GRM8: variants seen among roughly 807,000 people sequenced by gnomAD.
GRM8 encodes the protein metabotropic glutamate receptor 8.
A neutral mutation model predicts 87.2 loss-of-function variants in GRM8; 47 were observed. The observed-to-expected ratio is 0.54, with a 90% CI of 0.43 to 0.69. GRM8 has a LOEUF of 0.69. Among genes scored for constraint, GRM8 ranks in the 30% least tolerant of loss-of-function variants. The pLI is 0.00. For missense variants in GRM8, 1,019 were observed against 1,139.2 expected (o/e 0.89, Z 1.52); for synonymous variants, 396 against 404.5 (o/e 0.98, Z 0.25).
intron 3 of GRM8, among the ~76,000 whole-genome samples, chr7:127,079,237 C>T: frequency 6.6e-6 from 1 of 152,102 alleles, no homozygotes; most frequent in East Asian, 1.9e-4. Context: ...ATTCTCCTGC[C>T]TCAGCCTCCC....
At chr7:126,836,714 C>G (rs973200235) in intron 6 of GRM8, among the ~76,000 whole-genome samples, 1 of 152,168 alleles carries the variant, frequency 6.6e-6, no homozygotes, top group African/African-American at 2.4e-5. Context: ...GAATCAGGTG[C>G]TCTATTTTCT....
intron 2 of GRM8, among the ~76,000 whole-genome samples, chr7:127,171,288 A>G (rs1333666866): frequency 6.6e-6 from 1 of 152,236 alleles, no homozygotes; most frequent in Non-Finnish European, 1.5e-5. Context: ...TGGTGAAAAT[A>G]CTGTGATCAT....
At chr7:126,629,609 A>C (rs1024375289) in intron 7 of GRM8, among the ~76,000 whole-genome samples, 2 of 152,158 alleles carry the variant, frequency 1.3e-5, no homozygotes, top group Non-Finnish European at 2.9e-5. Flanking sequence ...AGAAATAAAA[A>C]AAATATCAAA....
At chr7:127,065,675 G>T (rs778749384) in intron 3 of GRM8, among the ~76,000 whole-genome samples, 2 of 152,148 alleles carry the variant, frequency 1.3e-5, no homozygotes, top group African/African-American at 2.4e-5. Flanking sequence ...GTTTAATTTA[G>T]ATGTGAGCAA....
intron 10 of GRM8, among the ~76,000 whole-genome samples, chr7:126,441,276 G>A (rs544111165): frequency 6.6e-6 from 1 of 152,014 alleles, no homozygotes; most frequent in African/African-American, 2.4e-5. Flanking sequence ...GGAGACAAAT[G>A]AAGATAAAAT....
intron 9 of GRM8, among the ~76,000 whole-genome samples, chr7:126,455,759 T>G (rs1282161158): frequency 1.3e-5 from 2 of 151,696 alleles, no homozygotes. Flanking sequence ...CAGAAGACAT[T>G]GCTGCATAGG....
rs549675558 is a variant in GRM8 at position 126,636,332 on chromosome 7, G to A, written c.1358-26834C>T. Among the ~76,000 whole-genome samples, 11 of 152,076 alleles carry A rather than the reference G, an allele frequency of 7.2e-5. No homozygotes were observed. In the South Asian group the frequency reaches 1.7e-3, roughly 23 times the overall value. On this transcript the variant is annotated intron_variant, in intron 7 of 10. Transcript: ENST00000339582. ...AGGCTTGGTTTCTAGGCCTCCCATG[G>A]ATACCAAAATCCAAGGACACTCAAG...
chr7:126,794,263 G>A (rs1821710300), intron 6 of GRM8, among the ~76,000 whole-genome samples: 3 of 151,856 alleles, frequency 2.0e-5, no homozygotes. Flanking sequence ...TTAACCTTGT[G>A]GAATGCATTC....
intron 3 of GRM8, among the ~76,000 whole-genome samples, chr7:127,081,695 T>G (rs144397441): frequency 6.6e-6 from 1 of 152,140 alleles, no homozygotes; most frequent in South Asian, 2.1e-4. Context: ...GGAGCTCAGA[T>G]GAGACATCAG....
Position 127,252,057 on chromosome 7 carries a change from G to A in GRM8, c.-312+740C>T, listed in dbSNP as rs932228739. The A allele has an allele frequency of 1.3e-5, 2 of 152,150 alleles. No individual in the cohort carries two copies. Among genetic ancestry groups the A allele is most frequent in the African/African-American group, 4.8e-5 (2 of 41,446 alleles). 9.4% of individuals were successfully genotyped at this position (152,150 alleles called of 1,614,324 possible). On this transcript the variant is annotated intron_variant, in intron 1 of 10. Transcript: ENST00000339582. The surrounding 1 kb of genome is among the most constrained non-coding windows in gnomAD (Gnocchi z 4.9). Reference sequence around the variant, plus strand: ...ATCCAGCCCACGCTCAGAGGGCGGGGGTTACCCCGACTCATCCCGGAAGCC... The same window carrying A: ...ATCCAGCCCACGCTCAGAGGGCGGGAGTTACCCCGACTCATCCCGGAAGCC...
At position 126,810,565 on chromosome 7, in the gene GRM8, A is replaced by C. The variant is rs979174081; in HGVS notation, c.1157-40500T>G. Among the ~76,000 whole-genome samples the C allele has an allele frequency of 1.2e-4, 18 of 152,268 alleles. No homozygotes were observed. In the East Asian group the frequency reaches 3.3e-3, roughly 28 times the overall value. ...TGGTTCCTTACACAGTACAGACATT[A>C]CTACTGACTAAGAGCAAACAATGCT... On this transcript the variant is annotated intron_variant, in intron 6 of 10. Transcript: ENST00000339582.
intron 2 of GRM8, among the ~76,000 whole-genome samples, chr7:127,152,596 A>G (rs1030395862): frequency 6.6e-6 from 1 of 152,166 alleles, no homozygotes; most frequent in Non-Finnish European, 1.5e-5. Context: ...ATTTCAGTTT[A>G]TCTCCACAGT....
chr7:127,034,428 C>T (rs1817662366), intron 3 of GRM8, among the ~76,000 whole-genome samples: 1 of 152,174 alleles, frequency 6.6e-6, no homozygotes, highest in South Asian at 2.1e-4. Context: ...ATTATCTGTA[C>T]TACAGGTACA....
intron 3 of GRM8, among the ~76,000 whole-genome samples, chr7:126,945,614 T>G (rs17865082): frequency 7.8e-4 from 119 of 152,342 alleles, no homozygotes; most frequent in African/African-American, 2.6e-3. Flanking sequence ...GAATTTCATG[T>G]TTATACTTGT....
chr7:126,781,075 G>A (rs1229445087), intron 6 of GRM8, among the ~76,000 whole-genome samples: 1 of 152,130 alleles, frequency 6.6e-6, no homozygotes, highest in East Asian at 1.9e-4. Context: ...CTAGGTTCTC[G>A]GCTTAAGTAT....
chr7:126,610,155 TTTC>T (rs1305483847), intron 7 of GRM8, among the ~76,000 whole-genome samples: 1 of 152,200 alleles, frequency 6.6e-6, no homozygotes, highest in Non-Finnish European at 1.5e-5. Flanking sequence ...ACTGTAGTCT[TTTC>T]TAAACTCCAT....
rs534158085 is a variant in GRM8 at position 126,640,320 on chromosome 7, A to AG, written c.1358-30823dup. On this transcript the variant is annotated intron_variant, in intron 7 of 10. Transcript: ENST00000339582. ...TTGGATACCATATGCCACGTGTGGG[A>AG]GAGAGGGAGGTGGAGTGTTTTATGA... 1.2e-4 allele frequency among the ~76,000 whole-genome samples: 18 copies of AG among 152,246 alleles called. No individual in the cohort carries two copies. The South Asian group carries it at 3.7e-3, about 32-fold the overall frequency.
chr7:126,830,087 G>A (rs1795212769), intron 6 of GRM8, among the ~76,000 whole-genome samples: 1 of 152,126 alleles, frequency 6.6e-6, no homozygotes, highest in Non-Finnish European at 1.5e-5. Context: ...TAGTCTGATG[G>A]GCTTCCCTTT....
At chr7:126,498,817 G>A (rs1809181856) in intron 9 of GRM8, among the ~76,000 whole-genome samples, 1 of 151,926 alleles carries the variant, frequency 6.6e-6, no homozygotes, top group Middle Eastern at 3.2e-3. Flanking sequence ...TTCATTATGT[G>A]AAATTTGATT....
Sources: allele counts gnomAD v4.1 joint callset (sites outside exome capture counted in the v4.1 genomes callset), GRCh38; gene constraint gnomAD v4.1.1; non-coding constraint Gnocchi (gnomAD v3.1); transcripts MANE v1.5; gene names NCBI Gene and HGNC (gene_info 2026-07-23, HGNC 2026-07-21).